Variants in ATRN observed in about 807,000 individuals in gnomAD.
ATRN encodes the protein attractin, also known as attractin-2.
ATRN carries 54 observed loss-of-function variants against 178.7 expected under a neutral mutation model. That is an observed-to-expected ratio of 0.30 (90% CI 0.24 to 0.38). The LOEUF (loss-of-function observed/expected upper bound fraction) is 0.38. Ranked by LOEUF, ATRN falls within the 10% of genes least tolerant of loss-of-function variation. ATRN has a pLI of 1.00. For missense variants in ATRN, 1,443 were observed against 1,815.1 expected (o/e 0.79, Z 3.73); for synonymous variants, 636 against 663.0 (o/e 0.96, Z 0.63).
rs749496294 is a variant in ATRN at position 3,562,435 on chromosome 20, G to A, written c.1607G>A (p.Arg536Gln). The A allele has an allele frequency of 8.1e-6, 13 of 1,613,976 alleles. No homozygotes were observed. Among genetic ancestry groups the A allele is most frequent in the East Asian group, 6.7e-5 (3 of 44,886 alleles). ...NKYRLADDLY[R>Q]YDVDTQMWTI... ...TACCGGCTTGCAGATGATCTCTACCGATATGATGTGGATACCCAGATGTGG... is the reference window on the plus strand; with the variant it reads ...TACCGGCTTGCAGATGATCTCTACCAATATGATGTGGATACCCAGATGTGG... The change falls in exon 9 of 29, where the codon CGA (arginine) becomes CAA (glutamine). Residue 536 changes from arginine to glutamine, a missense_variant. By Grantham distance (43) the Arg-to-Gln change is conservative (BLOSUM62 1). Around this residue, in one of 4 missense-constraint regions of ATRN, gnomAD observed 862 missense variants for 972.1 expected, o/e 0.89. Transcript: ENST00000262919.
At chr20:3,576,798 G>A (rs994910142) in intron 13 of ATRN, 61 bp from the exon 14 acceptor site, 2 of 1,577,806 alleles carry the variant, frequency 1.3e-6, no homozygotes, top group African/African-American at 2.7e-5. Context: ...TATCCTGTTG[G>A]TCCTCACCAT....
chr20:3,620,321 C>T (rs1222051225), intron 24 of ATRN, among the ~76,000 whole-genome samples: 20 of 152,194 alleles, frequency 1.3e-4, no homozygotes, highest in Admixed American at 6.5e-5. Context: ...CTTGGCTTAC[C>T]GCAACCTCTC....
rs192212526 is a variant in ATRN at position 3,479,528 on chromosome 20, A to C, written c.410+8011A>C. Among the ~76,000 whole-genome samples, 5 of 152,358 alleles carry C rather than the reference A, an allele frequency of 3.3e-5. No homozygotes were observed. In the East Asian group the frequency reaches 9.6e-4, roughly 29 times the overall value. Reference sequence around the variant, plus strand: ...AGTAGACCATCTGGGGGAGAAAGACATTCCAGAAGGAATGAAGAGTTGATG... The same window carrying C: ...AGTAGACCATCTGGGGGAGAAAGACCTTCCAGAAGGAATGAAGAGTTGATG... On this transcript the variant is annotated intron_variant, in intron 1 of 28. Coordinates refer to ENST00000262919, the MANE Select transcript of ATRN (RefSeq NM_139321.3).
chr20:3,591,823 G>A (rs908149222), intron 19 of ATRN, among the ~76,000 whole-genome samples: 37 of 152,192 alleles, frequency 2.4e-4, no homozygotes, highest in African/African-American at 8.9e-4. Flanking sequence ...AGGAGGCCTT[G>A]GTGCCTGAAG....
At chr20:3,505,753 G>C (rs1262786264) in intron 1 of ATRN, among the ~76,000 whole-genome samples, 1 of 150,980 alleles carries the variant, frequency 6.6e-6, no homozygotes, top group Non-Finnish European at 1.5e-5. Context: ...ATTGAATAAT[G>C]TAGGTAGATA....
chr20:3,520,492 CTTTTTTCT>C (rs2085278672), intron 1 of ATRN, among the ~76,000 whole-genome samples: 1 of 152,114 alleles, frequency 6.6e-6, no homozygotes, highest in East Asian at 1.9e-4. Flanking sequence ...TGAATGACAA[CTTTTTTCT>C]TTTTTTCTTT....
intron 26 of ATRN, among the ~76,000 whole-genome samples, chr20:3,635,014 T>A (rs1305042366): frequency 6.6e-6 from 1 of 152,094 alleles, no homozygotes; most frequent in Non-Finnish European, 1.5e-5. Flanking sequence ...ATGTGGGGTG[T>A]GTATGTGCGT....
At position 3,471,106 on chromosome 20, in the gene ATRN, A is replaced by T; in HGVS notation, c.-2A>T. The T allele has an allele frequency of 6.6e-7, 1 of 1,509,058 alleles. No individual in the cohort carries two copies. The allele number at this position is 1,509,058 out of a possible 1,614,324, so 93.5% of individuals were successfully genotyped here. A position where few individuals can be genotyped will look rare whatever the true frequency, so the allele number is the denominator to read the frequency against. On this transcript the variant is annotated 5_prime_UTR_variant, in exon 1 of 29. It adds an upstream start codon to the 5' untranslated region. Transcript: ENST00000262919. ...GCGGGGCGCCGTCTCAGCCCCGGGAAGATGGTGGCTGCAGCGGCGGCAACT... is the reference window on the plus strand; with the variant it reads ...GCGGGGCGCCGTCTCAGCCCCGGGATGATGGTGGCTGCAGCGGCGGCAACT...
chr20:3,597,228 A>G (rs1380982534), intron 21 of ATRN, among the ~76,000 whole-genome samples: 1 of 151,998 alleles, frequency 6.6e-6, no homozygotes, highest in East Asian at 1.9e-4. Context: ...TCCAAAACAT[A>G]AAAAGCCACA....
intron 23 of ATRN, among the ~76,000 whole-genome samples, chr20:3,602,963 CAAA>C (rs3842439): frequency 4.6e-3 from 187 of 40,800 alleles, no homozygotes; most frequent in African/African-American, 0.02. Context: ...AATTCCATCT[CAAA>C]AAAAAAAAAA....
chr20:3,507,066 TA>T (rs2085055296), intron 1 of ATRN, among the ~76,000 whole-genome samples: 1 of 151,544 alleles, frequency 6.6e-6, no homozygotes, highest in African/African-American at 2.4e-5. Context: ...TTTTTTTTTT[TA>T]ATGGCAAAAA....
chr20:3,494,024 C>G (rs73089212), intron 1 of ATRN, among the ~76,000 whole-genome samples: 1 of 152,040 alleles, frequency 6.6e-6, no homozygotes, highest in African/African-American at 2.4e-5. Flanking sequence ...AGATTATTCT[C>G]TATAACAGTA....
At chr20:3,521,962 T>A (rs184328826) in intron 1 of ATRN, among the ~76,000 whole-genome samples, 2 of 151,790 alleles carry the variant, frequency 1.3e-5, no homozygotes, top group South Asian at 2.1e-4. Context: ...TTTTTTTTTT[T>A]AATTTTTAGT....
intron 24 of ATRN, among the ~76,000 whole-genome samples, chr20:3,613,778 C>T (rs955486222): frequency 6.6e-6 from 1 of 151,174 alleles, no homozygotes; most frequent in South Asian, 2.1e-4. Flanking sequence ...TTGAGATTCT[C>T]CTTTTTTAAA....
chr20:3,471,294 C>T lies in ATRN; in HGVS notation c.187C>T (p.Leu63=). The change falls in exon 1 of 29, where the codon CTG becomes TTG. Residue 63 remains leucine, a synonymous_variant. Transcript: ENST00000262919. ...TCCACCGCTGCGGCCACGGCTGCTGCTGCTGCTGTTGTTGCTCTCGCCGCC... is the reference window on the plus strand; with the variant it reads ...TCCACCGCTGCGGCCACGGCTGCTGTTGCTGCTGTTGTTGCTCTCGCCGCC... ...LSPPLRPRLL[L]LLLLLSPPLL... is the part of the protein sequence containing the mutation. 1.4e-6 allele frequency: 2 copies of T among 1,477,324 alleles called. No individual in the cohort carries two copies. Among genetic ancestry groups the T allele is most frequent in the Non-Finnish European group, 8.9e-7 (1 of 1,123,202 alleles). The allele number at this position is 1,477,324 out of a possible 1,614,324, so 91.5% of individuals were successfully genotyped here. A position where few individuals can be genotyped will look rare whatever the true frequency, so the allele number is the denominator to read the frequency against.
chr20:3,595,126 G>T (rs2086508703), intron 20 of ATRN, among the ~76,000 whole-genome samples: 1 of 152,202 alleles, frequency 6.6e-6, no homozygotes, highest in Non-Finnish European at 1.5e-5. Context: ...TTCAGACCTG[G>T]CCCTGCCTCC....
intron 1 of ATRN, among the ~76,000 whole-genome samples, chr20:3,494,597 G>A (rs954306859): frequency 1.3e-5 from 2 of 152,162 alleles, no homozygotes; most frequent in African/African-American, 4.8e-5. Flanking sequence ...ATGAATGGAG[G>A]TGAAGGTAAA....
At chr20:3,639,878 G>A (rs76110477) in intron 27 of ATRN, among the ~76,000 whole-genome samples, 1,761 of 152,184 alleles carry the variant, frequency 0.012, 35 homozygotes, top group African/African-American at 0.04. Context: ...GTTCCAGATG[G>A]TAAACACAAC....
At chr20:3,573,072 T>G in intron 12 of ATRN, 121 bp downstream of exon 12, 1 of 890,620 alleles carries the variant, frequency 1.1e-6, no homozygotes, top group Non-Finnish European at 1.7e-6. Flanking sequence ...TATTCAGTAA[T>G]AACTTGTACA....
Sources: gnomAD v4.1 joint callset for allele counts (sites outside exome capture counted in the v4.1 genomes callset) on GRCh38, gnomAD v4.1.1 for gene constraint, gnomAD v4.1.1 regional missense constraint, MANE v1.5 for transcripts, NCBI Gene and HGNC (gene_info 2026-07-23, HGNC 2026-07-21) for gene names.